Variants in EDIL3 observed in about 807,000 individuals in gnomAD.
EDIL3 encodes the protein EGF-like repeat and discoidin I-like domain-containing protein 3.
Under a neutral mutation model 67.4 loss-of-function variants are expected in EDIL3, and 37 were observed. That is an observed-to-expected ratio of 0.55 (90% CI 0.42 to 0.72). The LOEUF (loss-of-function observed/expected upper bound fraction) is 0.72, where lower values mean the gene tolerates loss of function less well. EDIL3 is among the 30% of genes least tolerant of loss of function. EDIL3 has a pLI of 0.00. For missense variants in EDIL3, 527 were observed against 586.3 expected (o/e 0.90, Z 1.04); for synonymous variants, 195 against 196.3 (o/e 0.99, Z 0.05).
intron 6 of EDIL3, among the ~76,000 whole-genome samples, chr5:84,088,143 C>A (rs6870910): frequency 0.062 from 9,433 of 152,220 alleles, 812 homozygotes; most frequent in African/African-American, 0.19. Context: ...AATAAGCCCA[C>A]ATGGGCAGAG....
chr5:83,955,886 T>G (rs540118111), intron 10 of EDIL3, among the ~76,000 whole-genome samples: 1 of 151,934 alleles, frequency 6.6e-6, no homozygotes, highest in Non-Finnish European at 1.5e-5. Flanking sequence ...TATTTCACAT[T>G]GACAGTGTTT....
intron 9 of EDIL3, among the ~76,000 whole-genome samples, chr5:84,052,968 T>C (rs913019823): frequency 2.6e-5 from 4 of 152,180 alleles, no homozygotes; most frequent in African/African-American, 9.7e-5. Context: ...CTAATAGATA[T>C]CTACAGAACT....
At chr5:84,035,433 A>G (rs1045247165) in intron 9 of EDIL3, among the ~76,000 whole-genome samples, 3 of 152,174 alleles carry the variant, frequency 2.0e-5, no homozygotes, top group Admixed American at 6.5e-5. Context: ...AGTTTTAAAA[A>G]TAATGGTGAT....
intron 3 of EDIL3, among the ~76,000 whole-genome samples, chr5:84,202,553 G>A (rs889850271): frequency 1.2e-4 from 18 of 152,180 alleles, no homozygotes; most frequent in African/African-American, 4.3e-4. Flanking sequence ...ACAAATGGGT[G>A]TAGAAGGTAA....
chr5:84,064,059 C>A (rs1746590067), intron 8 of EDIL3, among the ~76,000 whole-genome samples: 1 of 152,044 alleles, frequency 6.6e-6, no homozygotes, highest in Non-Finnish European at 1.5e-5. Flanking sequence ...TCCTGGGGGA[C>A]AAGAATTATT....
chr5:84,303,808 C>CTCTG (rs1445734359), intron 1 of EDIL3, among the ~76,000 whole-genome samples: 85 of 135,406 alleles, frequency 6.3e-4, no homozygotes, highest in East Asian at 5.4e-3. Context: ...CTCTCTCTCT[C>CTCTG]TGTGTGTGTG....
At chr5:84,258,248 C>T (rs1227080666) in intron 1 of EDIL3, among the ~76,000 whole-genome samples, 7 of 152,116 alleles carry the variant, frequency 4.6e-5, no homozygotes, top group Non-Finnish European at 4.4e-5. Flanking sequence ...GTAATGTCTG[C>T]GAATGACAAA....
At chr5:84,291,659 T>C (rs902486802) in intron 1 of EDIL3, among the ~76,000 whole-genome samples, 1 of 143,128 alleles carries the variant, frequency 7.0e-6, no homozygotes, top group Non-Finnish European at 1.6e-5. Context: ...TATCTATATA[T>C]CTATATATAT....
At chr5:83,963,468 C>A in intron 9 of EDIL3, 108 bp from the exon 10 acceptor site, 1 of 1,241,580 alleles carries the variant, frequency 8.1e-7, no homozygotes, top group South Asian at 1.8e-5. Context: ...AATCAAAAAT[C>A]TGTCTAGTTA....
chr5:84,108,574 C>T (rs1018229027), intron 5 of EDIL3, among the ~76,000 whole-genome samples: 2 of 152,134 alleles, frequency 1.3e-5, no homozygotes, highest in Admixed American at 6.5e-5. Context: ...AAAAACTTAA[C>T]GTTAAAAGTT....
intron 6 of EDIL3, among the ~76,000 whole-genome samples, chr5:84,076,072 T>C (rs1214031696): frequency 1.3e-5 from 2 of 151,414 alleles, no homozygotes; most frequent in Non-Finnish European, 2.9e-5. Context: ...TAACACTACA[T>C]TTTTATGAAA....
chr5:84,104,715 C>T (rs1404207952), intron 6 of EDIL3, among the ~76,000 whole-genome samples: 1 of 151,974 alleles, frequency 6.6e-6, no homozygotes, highest in Non-Finnish European at 1.5e-5. Context: ...CAGTGTTGAT[C>T]ACTGTCCTGT....
intron 1 of EDIL3, among the ~76,000 whole-genome samples, chr5:84,310,789 A>C (rs1746371412): frequency 6.6e-6 from 1 of 152,192 alleles, no homozygotes; most frequent in Admixed American, 6.5e-5. Context: ...ATGGAGCTCC[A>C]TGTGTACATA....
At chr5:84,353,324 G>C (rs1468752739) in intron 1 of EDIL3, among the ~76,000 whole-genome samples, 1 of 152,102 alleles carries the variant, frequency 6.6e-6, no homozygotes, top group Non-Finnish European at 1.5e-5. Flanking sequence ...AAGGCAGGTG[G>C]TAGGGCAAAG....
chr5:84,171,499 C>T (rs1748810839), intron 4 of EDIL3, among the ~76,000 whole-genome samples: 1 of 152,032 alleles, frequency 6.6e-6, no homozygotes, highest in Non-Finnish European at 1.5e-5. Context: ...GGGGTGGATC[C>T]GATTAAGTGA....
chr5:84,177,088 T>C (rs1748930946), intron 4 of EDIL3, among the ~76,000 whole-genome samples: 1 of 152,096 alleles, frequency 6.6e-6, no homozygotes, highest in Non-Finnish European at 1.5e-5. Context: ...CACTACTAGG[T>C]ATTTGCCCAA....
chr5:84,049,228 A>G (rs1277980228), intron 9 of EDIL3, among the ~76,000 whole-genome samples: 2 of 152,188 alleles, frequency 1.3e-5, no homozygotes, highest in East Asian at 3.8e-4. Flanking sequence ...GTTTGCAATG[A>G]TTTAACAATG....
chr5:83,970,921 TTTCTTG>T (rs1744780906), intron 9 of EDIL3, among the ~76,000 whole-genome samples: 1 of 151,324 alleles, frequency 6.6e-6, no homozygotes, highest in Non-Finnish European at 1.5e-5. Context: ...CTCAAAAGGT[TTTCTTG>T]AGTTATATTT....
In EDIL3 at chr5:84,180,444, C is replaced by G. The variant is rs1382710811; in HGVS notation, c.304G>C (p.Gly102Arg). Reference protein sequence around the residue: ...SEAYRGDTFIGYVCKCPRGFN... With the variant: ...SEAYRGDTFIRYVCKCPRGFN... ...CCTCGGGGACATTTACAAACATAGC[C>G]TATGAATGTATCCCCTCGGTATGCT... The change falls in exon 4 of 11, where the codon GGC (glycine) becomes CGC (arginine). Residue 102 changes from glycine to arginine, a missense_variant. By Grantham distance (125) the Gly-to-Arg change is moderately radical. Around this residue, in one of 2 missense-constraint regions of EDIL3, gnomAD observed 494 missense variants for 522.5 expected, o/e 0.95. Coordinates refer to ENST00000296591, the MANE Select transcript of EDIL3 (RefSeq NM_005711.5). The G allele has an allele frequency of 4.3e-6, 7 of 1,609,872 alleles. No individual in the cohort carries two copies. The highest frequency in any genetic ancestry group is 5.1e-6 in the Non-Finnish European group (6 of 1,178,044).
Sources: allele counts gnomAD v4.1 joint callset (sites outside exome capture counted in the v4.1 genomes callset), GRCh38; gene constraint gnomAD v4.1.1; regional missense constraint gnomAD v4.1.1; transcripts MANE v1.5; gene names NCBI Gene and HGNC (gene_info 2026-07-23, HGNC 2026-07-21).